Variants in ANKS3 observed in about 807,000 individuals in gnomAD.
ANKS3 encodes ankyrin repeat and sterile alpha motif domain containing 3, also known as ankyrin repeat and SAM domain-containing protein 3.
A neutral mutation model predicts 80.7 loss-of-function variants in ANKS3; 62 were observed. That is an observed-to-expected ratio of 0.77 (90% confidence interval 0.63 to 0.95). The LOEUF is 0.95. ANKS3 is among the 40% of genes least tolerant of loss of function. The pLI, the probability that ANKS3 is intolerant of heterozygous loss-of-function variation, is 0.00. For synonymous variants in ANKS3, 489 were observed against 355.3 expected, an observed-to-expected ratio of 1.38 and a Z score of -4.23; for missense variants, 1,150 against 883.6, an observed-to-expected ratio of 1.30 and a Z score of -3.82.
At chr16:4,728,193 C>A (rs1482192441) in intron 3 of ANKS3, 1 of 152,292 alleles carries the variant, frequency 6.6e-6, no homozygotes, top group Non-Finnish European at 1.5e-5. Flanking sequence ...CTACAGGCGC[C>A]CGCCACTACG....
chr16:4,723,021 T>C (rs530208356), intron 6 of ANKS3, among the ~76,000 whole-genome samples: 1 of 151,922 alleles, frequency 6.6e-6, no homozygotes, highest in Non-Finnish European at 1.5e-5. Context: ...TGACAAAAGG[T>C]TGACTGACAT....
intron 11 of ANKS3, chr16:4,699,702 G>A (rs544158174): frequency 4.3e-5 from 7 of 161,330 alleles, no homozygotes; most frequent in Middle Eastern, 6.6e-3. Flanking sequence ...GGGTGGTGTC[G>A]GTGTGCTTGA....
chr16:4,699,297 G>A, intron 11 of ANKS3, 121 bp from the exon 12 acceptor site: 1 of 1,368,334 alleles, frequency 7.3e-7, no homozygotes, highest in South Asian at 1.4e-5. Flanking sequence ...CCTTGTGTGT[G>A]GCGCCCAGGC....
In ANKS3 at chr16:4,699,110, C is replaced by A; in HGVS notation, c.1351G>T (p.Val451Leu). ...AGGGTCAGAAAGATGCGGAGGTCCA[C>A]GTCCTGCTCCTCAAACACCTGCAGG... Reference protein sequence around the residue: ...KYLQVFEEQDVDLRIFLTLTE... With the variant: ...KYLQVFEEQDLDLRIFLTLTE... The change falls in exon 12 of 18, where the codon GTG (valine) becomes TTG (leucine). Residue 451 changes from valine (V) to leucine (L), a missense_variant. Physicochemically the swap from Val to Leu is conservative, Grantham distance 32. Coordinates refer to ENST00000304283, the MANE Select transcript of ANKS3 (RefSeq NM_133450.4). 1.2e-6 allele frequency: 2 copies of A among 1,614,154 alleles called. No individual in the cohort carries two copies. The highest frequency in any genetic ancestry group is 1.7e-6 in the Non-Finnish European group (2 of 1,180,040).
intron 10 of ANKS3, 132 bp downstream of exon 10, chr16:4,701,302 A>G: frequency 7.5e-7 from 1 of 1,333,474 alleles, no homozygotes; most frequent in Non-Finnish European, 1.0e-6. Context: ...CCCTGGACAC[A>G]GCACGTCCCA....
At chr16:4,702,326 G>C in intron 8 of ANKS3, 84 bp from the exon 9 acceptor site, 1 of 1,359,532 alleles carries the variant, frequency 7.4e-7, no homozygotes. Flanking sequence ...GGAGGCAGGT[G>C]ACTTCCCAGT....
intron 8 of ANKS3, among the ~76,000 whole-genome samples, chr16:4,702,729 G>C (rs186439389): frequency 2.0e-5 from 3 of 152,014 alleles, no homozygotes; most frequent in Non-Finnish European, 4.4e-5. Flanking sequence ...AGGCCTTGAG[G>C]TAAAAATTAA....
chr16:4,726,872 G>C (rs1355688287), intron 4 of ANKS3, 92 bp from the exon 5 acceptor site: 12 of 1,598,226 alleles, frequency 7.5e-6, no homozygotes, highest in South Asian at 3.3e-5. Context: ...AATCAGAAGT[G>C]ATTACACGAG....
At chr16:4,707,474 G>A (rs1659491) in intron 7 of ANKS3, among the ~76,000 whole-genome samples, 62,076 of 151,608 alleles carry the variant, frequency 0.41, 15,272 homozygotes, top group East Asian at 0.65. Flanking sequence ...TAGAGACAAG[G>A]TTTCACCATG....
chr16:4,702,321 C>T, intron 8 of ANKS3, 79 bp from the exon 9 acceptor site: 2 of 1,367,526 alleles, frequency 1.5e-6, no homozygotes, highest in Non-Finnish European at 1.9e-6. Flanking sequence ...AGGATGGAGG[C>T]AGGTGACTTC....
At chr16:4,713,794 T>G (rs2080626229) in intron 7 of ANKS3, among the ~76,000 whole-genome samples, 1 of 152,222 alleles carries the variant, frequency 6.6e-6, no homozygotes. Context: ...GGCCTGCCCC[T>G]ACTCGGTAGT....
At chr16:4,700,124 G>A (rs867062812) in intron 11 of ANKS3, 1 of 152,548 alleles carries the variant, frequency 6.6e-6, no homozygotes, top group Non-Finnish European at 1.5e-5. Context: ...AGCCAGGCCG[G>A]GCATGGCACC....
chr16:4,733,043 T>C (rs1034192154), intron 1 of ANKS3, among the ~76,000 whole-genome samples: 32 of 151,780 alleles, frequency 2.1e-4, no homozygotes, highest in African/African-American at 7.0e-4. Flanking sequence ...CTCATGGACA[T>C]AGAAAGTAGA....
At chr16:4,716,339 C>T (rs576777998) in intron 6 of ANKS3, among the ~76,000 whole-genome samples, 16 of 137,144 alleles carry the variant, frequency 1.2e-4, no homozygotes, top group Admixed American at 1.6e-4. Flanking sequence ...CCAGCCTGGG[C>T]GACACACGGA....
At chr16:4,729,129 A>C (rs2142164736) in intron 3 of ANKS3, among the ~76,000 whole-genome samples, 1 of 152,322 alleles carries the variant, frequency 6.6e-6, no homozygotes, top group East Asian at 1.9e-4. Flanking sequence ...AGATGATCAC[A>C]TCCTACTATG....
At chr16:4,713,923 G>C (rs2080633249) in intron 7 of ANKS3, 128 bp downstream of exon 7, 1 of 1,312,476 alleles carries the variant, frequency 7.6e-7, no homozygotes, top group Non-Finnish European at 1.0e-6. Context: ...TAAGCAGCTG[G>C]GGGAGGCAGA....
At chr16:4,713,776 C>T (rs544910650) in intron 7 of ANKS3, among the ~76,000 whole-genome samples, 1 of 152,182 alleles carries the variant, frequency 6.6e-6, no homozygotes, top group Non-Finnish European at 1.5e-5. Context: ...AAACAGAAAA[C>T]TAAGAGGGGC....
chr16:4,709,772 A>G (rs2080388826), intron 7 of ANKS3, among the ~76,000 whole-genome samples: 1 of 152,234 alleles, frequency 6.6e-6, no homozygotes, highest in Non-Finnish European at 1.5e-5. Flanking sequence ...ACACTCTGGG[A>G]GGCCAAGGCG....
chr16:4,718,679 G>C (rs1324367463), intron 6 of ANKS3, among the ~76,000 whole-genome samples: 1 of 152,224 alleles, frequency 6.6e-6, no homozygotes, highest in African/African-American at 2.4e-5. Flanking sequence ...TCCAGGCAGG[G>C]CTTGCCCACC....
Sources: allele counts gnomAD v4.1 joint callset (sites outside exome capture counted in the v4.1 genomes callset), GRCh38; gene constraint gnomAD v4.1.1; transcripts MANE v1.5; gene names NCBI Gene and HGNC (gene_info 2026-07-23, HGNC 2026-07-21).